RWDD4: variants seen among roughly 807,000 people sequenced by gnomAD.
The protein encoded by RWDD4 is RWD domain containing 4, also known as RWD domain-containing protein 4.
RWDD4 carries 16 observed loss-of-function variants against 30.0 expected under a neutral mutation model. The observed-to-expected ratio is 0.53, with a 90% CI of 0.36 to 0.81. The LOEUF is 0.81. RWDD4 is among the 30% of genes least tolerant of loss of function. The pLI is 0.00. For synonymous variants in RWDD4, 45 were observed against 72.1 expected, an observed-to-expected ratio of 0.62 and a Z score of 1.90; for missense variants, 170 against 223.9, an observed-to-expected ratio of 0.76 and a Z score of 1.54.
At chr4:183,646,385 T>C (rs113822449) in intron 6 of RWDD4, 32 bp from the exon 7 acceptor site, 1 of 1,424,424 alleles carries the variant, frequency 7.0e-7, no homozygotes, top group Non-Finnish European at 9.9e-7. Flanking sequence ...GACATCCCAG[T>C]GAATTCCAAA....
intron 2 of RWDD4, among the ~76,000 whole-genome samples, chr4:183,653,200 G>A (rs1034182847): frequency 3.9e-5 from 6 of 152,164 alleles, no homozygotes; most frequent in African/African-American, 1.2e-4. Flanking sequence ...CATCACTGGT[G>A]ACACTAAGAT....
chr4:183,641,496 A>G, intron 7 of RWDD4, 28 bp from the exon 8 acceptor site: 1 of 1,569,348 alleles, frequency 6.4e-7, no homozygotes, highest in Non-Finnish European at 8.8e-7. Context: ...AAAATAGTCA[A>G]CAAGTGGTAT....
At chr4:183,644,133 G>A (rs1289204075) in intron 7 of RWDD4, among the ~76,000 whole-genome samples, 1 of 152,220 alleles carries the variant, frequency 6.6e-6, no homozygotes, top group Non-Finnish European at 1.5e-5. Context: ...TGCACTAAGA[G>A]AGGCAACATT....
chr4:183,655,831 C>T, intron 2 of RWDD4, 50 bp downstream of exon 2: 2 of 1,075,820 alleles, frequency 1.9e-6, no homozygotes, highest in Non-Finnish European at 1.4e-6. Flanking sequence ...TAGCCACTTT[C>T]AGTCTTTTCT....
At chr4:183,643,320 G>A (rs1432824026) in intron 7 of RWDD4, among the ~76,000 whole-genome samples, 1 of 140,838 alleles carries the variant, frequency 7.1e-6, no homozygotes, top group Non-Finnish European at 1.5e-5. Context: ...CCAGGCTGAG[G>A]TAGAAGAATC....
intron 5 of RWDD4, among the ~76,000 whole-genome samples, chr4:183,647,162 T>C (rs1313930382): frequency 6.6e-6 from 1 of 152,244 alleles, no homozygotes; most frequent in Non-Finnish European, 1.5e-5. Context: ...TAACAGAATA[T>C]TCAAATTTAA....
At chr4:183,652,867 C>T (rs1344475054) in intron 2 of RWDD4, among the ~76,000 whole-genome samples, 1 of 149,146 alleles carries the variant, frequency 6.7e-6, no homozygotes, top group Non-Finnish European at 1.5e-5. Flanking sequence ...GCTGGAGCTA[C>T]AGGCGTGTGC....
chr4:183,644,279 A>G (rs1276495727), intron 7 of RWDD4, among the ~76,000 whole-genome samples: 1 of 152,210 alleles, frequency 6.6e-6, no homozygotes, highest in African/African-American at 2.4e-5. Context: ...AGTCCTGGGA[A>G]ATGAGAGAAT....
intron 5 of RWDD4, among the ~76,000 whole-genome samples, chr4:183,646,948 A>T (rs1446294811): frequency 6.6e-6 from 1 of 152,222 alleles, no homozygotes; most frequent in Non-Finnish European, 1.5e-5. Flanking sequence ...CCCAGAAGCT[A>T]GGCTCAAGAC....
rs1385502537 is a variant in RWDD4 at position 183,646,541 on chromosome 4, G to A, written c.482-4C>T. On this transcript the variant is annotated splice_polypyrimidine_tract_variant and splice_region_variant and intron_variant, in intron 5 of 7. Transcript: ENST00000326397. Reference sequence around the variant, plus strand: ...CGAGGAAGTTCTCCTTTGTGATCTAGAAGATAAAAAATAGTAACTTTATTT... The same window carrying A: ...CGAGGAAGTTCTCCTTTGTGATCTAAAAGATAAAAAATAGTAACTTTATTT... The A allele has an allele frequency of 6.2e-7, 1 of 1,608,158 alleles. No homozygotes were observed. The highest frequency in any genetic ancestry group is 1.7e-5 in the Admixed American group (1 of 59,110).
chr4:183,658,291 AC>A (rs1734257622), intron 1 of RWDD4, among the ~76,000 whole-genome samples: 1 of 152,132 alleles, frequency 6.6e-6, no homozygotes, highest in African/African-American at 2.4e-5. Flanking sequence ...TCATCGACCC[AC>A]CTATCAAAGT....
At chr4:183,649,864 T>C (rs1734040453) in intron 4 of RWDD4, among the ~76,000 whole-genome samples, 1 of 152,242 alleles carries the variant, frequency 6.6e-6, no homozygotes, top group South Asian at 2.1e-4. Flanking sequence ...AGGTTTACAA[T>C]TCAGTTAACT....
intron 2 of RWDD4, 149 bp downstream of exon 2, chr4:183,655,732 T>A: frequency 3.9e-6 from 2 of 509,862 alleles, no homozygotes; most frequent in Non-Finnish European, 7.0e-6. Context: ...TAAAAATGAC[T>A]GATGTTAGGG....
intron 2 of RWDD4, among the ~76,000 whole-genome samples, chr4:183,655,425 G>A (rs1329010370): frequency 4.0e-5 from 6 of 151,812 alleles, no homozygotes; most frequent in Non-Finnish European, 7.4e-5. Flanking sequence ...GGGACTACAG[G>A]CGCCCGCCAC....
At chr4:183,654,979 C>T (rs577271757) in intron 2 of RWDD4, among the ~76,000 whole-genome samples, 73 of 151,148 alleles carry the variant, frequency 4.8e-4, no homozygotes, top group Non-Finnish European at 9.0e-4. Flanking sequence ...CCCGCTCTGT[C>T]GCCCAGACTG....
intron 2 of RWDD4, among the ~76,000 whole-genome samples, chr4:183,654,175 G>A (rs772671119): frequency 1.9e-4 from 29 of 152,110 alleles, no homozygotes; most frequent in Non-Finnish European, 3.8e-4. Context: ...TGAGTGGAGG[G>A]GAAAGTTTGG....
intron 7 of RWDD4, among the ~76,000 whole-genome samples, chr4:183,643,415 C>CAAGAAAAA (rs1733904814): frequency 4.4e-5 from 1 of 22,652 alleles, no homozygotes; most frequent in Non-Finnish European, 7.7e-5. Context: ...GACTCTATCT[C>CAAGAAAAA]AAAAAAAAAA....
In RWDD4 at chr4:183,655,973, A is replaced by G; in HGVS notation, c.25-12T>C. 6.3e-7 allele frequency: 1 copy of G among 1,575,086 alleles called. No individual in the cohort carries two copies. The highest frequency in any genetic ancestry group is 1.7e-5 in the Admixed American group (1 of 58,164). ...GCTTCTAGTTCCATCTGAAATAAAG[A>G]ACTGAATGAGTTTTGTTTAGTGGTA... On this transcript the variant is annotated splice_polypyrimidine_tract_variant and intron_variant, in intron 1 of 7. Coordinates refer to ENST00000326397, the MANE Select transcript of RWDD4 (RefSeq NM_152682.4).
intron 2 of RWDD4, among the ~76,000 whole-genome samples, chr4:183,654,226 A>G (rs531995702): frequency 1.3e-5 from 2 of 152,226 alleles, no homozygotes; most frequent in Non-Finnish European, 2.9e-5. Context: ...TCAAGTGAAA[A>G]AATTTCGTCC....
Sources: gnomAD v4.1 joint callset for allele counts (sites outside exome capture counted in the v4.1 genomes callset) on GRCh38, gnomAD v4.1.1 for gene constraint, MANE v1.5 for transcripts, NCBI Gene and HGNC (gene_info 2026-07-23, HGNC 2026-07-21) for gene names.